Variants in DYTN observed in about 807,000 individuals in gnomAD.
The protein encoded by DYTN is dystrotelin.
DYTN carries 75 observed loss-of-function variants against 69.6 expected under a neutral mutation model. The ratio of observed to expected loss-of-function variants is 1.08; its 90% CI spans 0.89 to 1.31. The LOEUF (loss-of-function observed/expected upper bound fraction) is 1.31. DYTN is among the 50% of genes most tolerant of loss of function. The probability of loss-of-function intolerance (pLI) is 0.00; values close to 1 mark genes in which losing one functional copy is unlikely to be tolerated. For synonymous variants in DYTN, 252 were observed against 249.1 expected (o/e 1.01, Z -0.11); for missense variants, 726 against 688.4 (o/e 1.05, Z -0.61).
chr2:206,717,136 A>G (rs1328398852), intron 1 of DYTN, among the ~76,000 whole-genome samples: 2 of 152,006 alleles, frequency 1.3e-5, no homozygotes, highest in Non-Finnish European at 2.9e-5. Context: ...GCTATGAACA[A>G]AGCAGTTTTA....
At chr2:206,712,886 T>C in intron 1 of DYTN, among the ~76,000 whole-genome samples, 1 of 152,240 alleles carries the variant, frequency 6.6e-6, no homozygotes, top group East Asian at 1.9e-4. Flanking sequence ...GTTCAAGGAC[T>C]CTTGGTTCAA....
chr2:206,670,630 A>G (rs1392056883), intron 9 of DYTN: 1 of 152,174 alleles, frequency 6.6e-6, no homozygotes, highest in Non-Finnish European at 1.5e-5. Flanking sequence ...AAATCCATAT[A>G]AGAACATGAT....
chr2:206,718,225 A>C (rs1179565185), intron 1 of DYTN, 36 bp downstream of exon 1: 1 of 1,574,462 alleles, frequency 6.4e-7, no homozygotes. Flanking sequence ...TTTTCTGTTT[A>C]CAAACTATGC....
intron 11 of DYTN, among the ~76,000 whole-genome samples, chr2:206,657,117 T>C (rs1699459355): frequency 3.3e-5 from 5 of 152,090 alleles, no homozygotes; most frequent in Admixed American, 3.3e-4. Context: ...CATTGTTTCA[T>C]TGTTGTTTTC....
At chr2:206,715,365 G>A (rs1381527933) in intron 1 of DYTN, among the ~76,000 whole-genome samples, 2 of 152,096 alleles carry the variant, frequency 1.3e-5, no homozygotes, top group Non-Finnish European at 2.9e-5. Flanking sequence ...AGATGACTTA[G>A]GGACGGCAGC....
At chr2:206,677,688 A>G (rs1699705228) in intron 9 of DYTN, among the ~76,000 whole-genome samples, 1 of 152,162 alleles carries the variant, frequency 6.6e-6, no homozygotes, top group Admixed American at 6.5e-5. Context: ...AAGAAAAAGA[A>G]AGAGACTGAT....
chr2:206,705,694 T>C (rs1239058968), intron 4 of DYTN, 94 bp downstream of exon 4: 3 of 1,079,978 alleles, frequency 2.8e-6, no homozygotes, highest in Non-Finnish European at 4.1e-6. Flanking sequence ...GCTGAGTACA[T>C]GCTGAAGAGG....
intron 4 of DYTN, among the ~76,000 whole-genome samples, chr2:206,705,508 G>T (rs1700016571): frequency 6.6e-6 from 1 of 152,226 alleles, no homozygotes; most frequent in Non-Finnish European, 1.5e-5. Context: ...TTGGTAAACA[G>T]AAATGTGAGG....
At chr2:206,695,469 C>A (rs1699910107) in intron 7 of DYTN, among the ~76,000 whole-genome samples, 1 of 152,196 alleles carries the variant, frequency 6.6e-6, no homozygotes, top group Non-Finnish European at 1.5e-5. Context: ...TTCCTCACCA[C>A]AGCCAAGTTT....
chr2:206,707,367 G>A lies in DYTN; in HGVS notation c.231C>T (p.Asn77=), dbSNP rs1268562547. The change falls in exon 3 of 12, where the codon AAC becomes AAT. Residue 77 remains asparagine, a synonymous_variant. Coordinates refer to ENST00000452335, the MANE Select transcript of DYTN (RefSeq NM_001093730.1). ...GAGCTCTGGGATGCACTTGTCCTGGGTTTTCCTCCCTGGCCTTCTGAAACA... is the reference window on the plus strand; with the variant it reads ...GAGCTCTGGGATGCACTTGTCCTGGATTTTCCTCCCTGGCCTTCTGAAACA... ...QELFQKAREE[N]PGQVHPRAPE... is the part of the protein sequence containing the mutation. 1.2e-6 allele frequency: 2 copies of A among 1,612,968 alleles called. No homozygotes were observed. The highest frequency in any genetic ancestry group is 1.6e-4 in the Middle Eastern group (1 of 6,062).
intron 5 of DYTN, among the ~76,000 whole-genome samples, chr2:206,701,830 G>A (rs1008866564): frequency 1.3e-5 from 2 of 152,104 alleles, no homozygotes; most frequent in Admixed American, 6.5e-5. Context: ...TGACAGATGG[G>A]TTAATTAATT....
At chr2:206,717,464 T>C (rs1700140657) in intron 1 of DYTN, among the ~76,000 whole-genome samples, 1 of 152,212 alleles carries the variant, frequency 6.6e-6, no homozygotes, top group South Asian at 2.1e-4. Context: ...CTTTGCAGCA[T>C]ATTAACAAAC....
rs777300003 is a variant in DYTN at position 206,662,933 on chromosome 2, T to C, written c.1603A>G (p.Met535Val). The change falls in exon 11 of 12, where the codon ATG (methionine) becomes GTG (valine). Residue 535 changes from methionine to valine, a missense_variant. By Grantham distance (21) the Met-to-Val change is conservative. Transcript: ENST00000452335. ...GGCGTTTCTAGATTGAAGGCATCCA[T>C]AAGTTTTGACAATAGTTCTTGCAGT... ...EELQELLSKLMDAFNLETPSG... is the reference protein window; with the variant it reads ...EELQELLSKLVDAFNLETPSG... 43 of 1,613,452 alleles carry C rather than the reference T, an allele frequency of 2.7e-5. No homozygotes were observed. The highest frequency in any genetic ancestry group is 3.5e-5 in the Non-Finnish European group (41 of 1,179,814).
At chr2:206,678,013 T>C (rs530240936) in intron 9 of DYTN, among the ~76,000 whole-genome samples, 1 of 152,226 alleles carries the variant, frequency 6.6e-6, no homozygotes, top group Non-Finnish European at 1.5e-5. Context: ...CTAACGCTTT[T>C]ATAAGAATTG....
At chr2:206,667,372 C>T (rs1448449247) in intron 9 of DYTN, among the ~76,000 whole-genome samples, 1 of 152,214 alleles carries the variant, frequency 6.6e-6, no homozygotes, top group Non-Finnish European at 1.5e-5. Flanking sequence ...CAGCTCATTG[C>T]TCAGTTCCCT....
chr2:206,674,690 G>A (rs533759665), intron 9 of DYTN, among the ~76,000 whole-genome samples: 24 of 152,042 alleles, frequency 1.6e-4, no homozygotes, highest in African/African-American at 4.6e-4. Flanking sequence ...TTTAAAGGAC[G>A]TTTAAAGAAT....
intron 9 of DYTN, among the ~76,000 whole-genome samples, chr2:206,680,570 A>C (rs2105893606): frequency 6.6e-6 from 1 of 152,302 alleles, no homozygotes; most frequent in African/African-American, 2.4e-5. Flanking sequence ...GATAGCAGCT[A>C]AAACTTGTTC....
At chr2:206,687,354 G>A (rs941295138) in intron 9 of DYTN, 1 of 152,762 alleles carries the variant, frequency 6.5e-6, no homozygotes, top group Non-Finnish European at 1.5e-5. Flanking sequence ...TTGATGTCCA[G>A]GGAGGTCCCT....
chr2:206,692,874 A>C (rs746985838), intron 9 of DYTN, among the ~76,000 whole-genome samples: 1 of 152,120 alleles, frequency 6.6e-6, no homozygotes, highest in African/African-American at 2.4e-5. Context: ...AAAACTAGGA[A>C]TATAACAAAG....
Sources: gnomAD v4.1 joint callset for allele counts (sites outside exome capture counted in the v4.1 genomes callset) on GRCh38, gnomAD v4.1.1 for gene constraint, MANE v1.5 for transcripts, NCBI Gene and HGNC (gene_info 2026-07-23, HGNC 2026-07-21) for gene names.